Variants in AP5Z1 observed in about 807,000 individuals in gnomAD.
AP5Z1 encodes AP-5 complex subunit zeta-1.
A neutral mutation model predicts 83.0 loss-of-function variants in AP5Z1; 106 were observed. That is an observed-to-expected ratio of 1.28 (90% confidence interval 1.09 to 1.50). AP5Z1 has a LOEUF of 1.50. Among genes scored for constraint, AP5Z1 ranks in the 40% most tolerant of loss-of-function variants. The pLI is 0.00. For missense variants in AP5Z1, 1,565 were observed against 1,094.2 expected, an observed-to-expected ratio of 1.43 and a Z score of -6.07; for synonymous variants, 751 against 514.1, an observed-to-expected ratio of 1.46 and a Z score of -6.23.
intron 4 of AP5Z1, 55 bp from the exon 5 acceptor site, chr7:4,783,634 C>T: frequency 2.6e-6 from 4 of 1,521,096 alleles, no homozygotes; most frequent in Non-Finnish European, 3.6e-6. Flanking sequence ...ATCCCAACAA[C>T]CCAGGCATCT....
rs943483276 is a variant in AP5Z1, at chr7:4,793,309, AGAT to A, written c.*1928_*1930del. On this transcript the variant is annotated 3_prime_UTR_variant, in exon 17 of 17. Coordinates refer to ENST00000649063, the MANE Select transcript of AP5Z1 (RefSeq NM_014855.3). ...GAATAGTTTTTCAGATTTACAGAAA[AGAT>A]GATAAACCTTAGAAACATTATATGC... is the stretch of plus-strand genomic sequence containing the variant. 2.6e-5 allele frequency: 4 copies of A among 152,284 alleles called. No individual in the cohort carries two copies. Among genetic ancestry groups the A allele is most frequent in the African/African-American group, 9.6e-5 (4 of 41,478 alleles). The allele number at this position is 152,284 out of a possible 1,614,324, so 9.4% of individuals were successfully genotyped here.
At position 4,791,540 on chromosome 7, in the gene AP5Z1, TG is replaced by T. The variant is rs570721516; in HGVS notation, c.*157del. 5.5e-4 allele frequency: 615 copies of T among 1,127,688 alleles called. 2 individuals are homozygous for T. The African/African-American group carries it at 6.6e-3, about 12-fold the overall frequency. The allele number at this position is 1,127,688 out of a possible 1,614,324, so 69.9% of individuals were successfully genotyped here. On this transcript the variant is annotated 3_prime_UTR_variant, in exon 17 of 17. Transcript: ENST00000649063. ...TGGCACCCTCACAGACACGCGGGGC[TG>T]GCCCCCCTGCTCACCCTCTGGGCTT...
intron 5 of AP5Z1, among the ~76,000 whole-genome samples, 159 bp from the exon 6 acceptor site, chr7:4,784,044 G>T (rs913023499): frequency 6.6e-6 from 1 of 152,182 alleles, no homozygotes; most frequent in Admixed American, 6.5e-5. Context: ...CTGCCTGGGG[G>T]TCAGGTGGGG....
At chr7:4,788,500 C>T in intron 12 of AP5Z1, 3 of 628,678 alleles carry the variant, frequency 4.8e-6, no homozygotes, top group Non-Finnish European at 5.2e-6. Flanking sequence ...GCTCTCTCTG[C>T]TGCCCACATC....
At chr7:4,783,511 C>T (rs538609128) in intron 4 of AP5Z1, 51 bp downstream of exon 4, 712 of 1,593,330 alleles carry the variant, frequency 4.5e-4, no homozygotes, top group Non-Finnish European at 5.7e-4. Context: ...TTCCCAGGTC[C>T]TTCCCTGAGG....
At chr7:4,779,663 G>A (rs527771614) in intron 1 of AP5Z1, among the ~76,000 whole-genome samples, 4 of 150,802 alleles carry the variant, frequency 2.7e-5, no homozygotes, top group Non-Finnish European at 4.4e-5. Flanking sequence ...TTTTTGAGAC[G>A]GAGTTTTGCT....
chr7:4,777,765 G>C (rs1241497516), intron 1 of AP5Z1, among the ~76,000 whole-genome samples: 1 of 152,136 alleles, frequency 6.6e-6, no homozygotes, highest in African/African-American at 2.4e-5. Context: ...ATAGAGTGTG[G>C]TTGAATTTCC....
chr7:4,783,593 G>A lies in AP5Z1; in HGVS notation c.512-96G>A, dbSNP rs1401023656. ...AGGCCCGAGGGTTTGGGACGCTGCAGGATTCTGTTTTCTGAGAAAAGTCGG... is the reference window on the plus strand; with the variant it reads ...AGGCCCGAGGGTTTGGGACGCTGCAAGATTCTGTTTTCTGAGAAAAGTCGG... On this transcript the variant is annotated intron_variant, in intron 4 of 16. Transcript: ENST00000649063. 4 of 1,523,218 alleles carry A rather than the reference G, an allele frequency of 2.6e-6. No individual in the cohort carries two copies. In the African/African-American group the frequency reaches 4.1e-5, roughly 16 times the overall value. 94.4% of individuals were successfully genotyped at this position (1,523,218 alleles called of 1,614,324 possible). A position where few individuals can be genotyped will look rare whatever the true frequency, so the allele number is the denominator to read the frequency against.
At chr7:4,790,355 A>G in intron 14 of AP5Z1, 104 bp from the exon 15 acceptor site, 1 of 1,571,048 alleles carries the variant, frequency 6.4e-7, no homozygotes, top group Non-Finnish European at 8.6e-7. Flanking sequence ...TGCAGCATAC[A>G]CCTACCACTC....
At chr7:4,788,082 G>C in intron 11 of AP5Z1, 72 bp from the exon 12 acceptor site, 9 of 1,453,898 alleles carry the variant, frequency 6.2e-6, no homozygotes, top group South Asian at 1.4e-5. Flanking sequence ...CCTGCCGTGT[G>C]TCTCCCTGAC....
intron 10 of AP5Z1, 110 bp downstream of exon 10, chr7:4,786,538 G>C: frequency 1.6e-6 from 2 of 1,271,332 alleles, no homozygotes; most frequent in Non-Finnish European, 2.2e-6. Flanking sequence ...ATAGAGCCCT[G>C]TGAGTCCCGG....
At chr7:4,778,697 T>C (rs1307415976) in intron 1 of AP5Z1, among the ~76,000 whole-genome samples, 1 of 150,290 alleles carries the variant, frequency 6.7e-6, no homozygotes, top group Non-Finnish European at 1.5e-5. Flanking sequence ...TGGGAAAGAT[T>C]TTCCATTGTG....
rs764058139 is a variant in AP5Z1, at chr7:4,785,388, C to T, written c.932-27C>T. 10 of 1,610,982 alleles carry T rather than the reference C, an allele frequency of 6.2e-6. No homozygotes were observed. The South Asian group carries it at 8.8e-5, about 14-fold the overall frequency. The stretch of plus-strand genomic sequence containing the variant: ...GGGCCACTCTAAGGCTGAGACAGAG[C>T]CGGCTGACTTTTTCCCCTCCTTCCA... On this transcript the variant is annotated intron_variant, in intron 7 of 16. Transcript: ENST00000649063.
chr7:4,784,861 G>A (rs1781488865), intron 6 of AP5Z1, 47 bp from the exon 7 acceptor site: 3 of 1,583,342 alleles, frequency 1.9e-6, no homozygotes, highest in Non-Finnish European at 1.7e-6. Context: ...GCATGTCCCA[G>A]CCCGGGAGCC....
At chr7:4,786,919 C>T (rs949064856) in intron 10 of AP5Z1, among the ~76,000 whole-genome samples, 6 of 152,098 alleles carry the variant, frequency 3.9e-5, no homozygotes, top group Non-Finnish European at 8.8e-5. Flanking sequence ...TACAGGCACC[C>T]ACCACCATGT....
At chr7:4,779,002 G>A (rs991643324) in intron 1 of AP5Z1, among the ~76,000 whole-genome samples, 35 of 146,376 alleles carry the variant, frequency 2.4e-4, no homozygotes, top group Admixed American at 1.1e-3. Context: ...CTGCACTCCA[G>A]CCTGGGTGAC....
chr7:4,782,427 T>C (rs1361181914), intron 3 of AP5Z1, among the ~76,000 whole-genome samples: 1 of 152,158 alleles, frequency 6.6e-6, no homozygotes, highest in African/African-American at 2.4e-5. Context: ...AGCTGCTATC[T>C]CTGCTCATGG....
intron 13 of AP5Z1, chr7:4,789,159 C>A (rs1259067039): frequency 1.9e-6 from 1 of 534,488 alleles, no homozygotes; most frequent in East Asian, 3.3e-5. Flanking sequence ...CCAGCAGGCC[C>A]CGTTCCCCAG....
At chr7:4,787,168 G>T in intron 10 of AP5Z1, among the ~76,000 whole-genome samples, 1 of 152,068 alleles carries the variant, frequency 6.6e-6, no homozygotes, top group East Asian at 1.9e-4. Context: ...GAAAAACCAG[G>T]ACAGTGGAAA....
Sources: allele counts gnomAD v4.1 joint callset (sites outside exome capture counted in the v4.1 genomes callset), GRCh38; gene constraint gnomAD v4.1.1; transcripts MANE v1.5; gene names NCBI Gene and HGNC (gene_info 2026-07-23, HGNC 2026-07-21).